The following HLA-DRB1 variants were observed in gnomAD, a reference collection of about 807,000 sequenced individuals.
HLA-DRB1 encodes the protein major histocompatibility complex, class II, DR beta 1 precursor.
HLA-DRB1 carries 10 observed loss-of-function variants against 27.9 expected under a neutral mutation model. That is an observed-to-expected ratio of 0.36 (90% CI 0.22 to 0.61). The LOEUF (loss-of-function observed/expected upper bound fraction) is 0.61. Ranked by LOEUF, HLA-DRB1 falls within the 20% of genes least tolerant of loss-of-function variation. The pLI, the probability that HLA-DRB1 is intolerant of heterozygous loss-of-function variation, is 0.73. For synonymous variants in HLA-DRB1, 57 were observed against 126.7 expected (o/e 0.45, Z 3.69); for missense variants, 118 against 306.3 (o/e 0.39, Z 4.59).
chr6:32,580,343 C>T (rs41287243), intron 4 of HLA-DRB1, 73 bp from the exon 5 acceptor site: 217,992 of 565,236 alleles, frequency 0.39, 52,245 homozygotes, highest in South Asian at 0.48. Context: ...AATGTCCCAG[C>T]CCCAGATCTC....
At chr6:32,583,154 C>A (rs36046522) in intron 2 of HLA-DRB1, among the ~76,000 whole-genome samples, 319 of 59,488 alleles carry the variant, frequency 5.4e-3, no homozygotes, top group Middle Eastern at 0.018. Flanking sequence ...AGATCATTGT[C>A]CATTACCTAC....
At chr6:32,584,869 G>T (rs1776173494) in intron 1 of HLA-DRB1, among the ~76,000 whole-genome samples, 1 of 121,754 alleles carries the variant, frequency 8.2e-6, no homozygotes, top group Non-Finnish European at 1.7e-5. Context: ...CACTCCTCTG[G>T]GGGAGCTTAA....
chr6:32,585,110 T>A lies in HLA-DRB1; in HGVS notation c.101-732A>T, dbSNP rs1211725011. 4.6e-5 allele frequency among the ~76,000 whole-genome samples: 5 copies of A among 108,732 alleles called. 1 individual carries two copies. In the East Asian group the frequency reaches 8.0e-4, roughly 17 times the overall value. 71.3% of individuals were successfully genotyped at this position (108,732 alleles called of 152,430 possible). On this transcript the variant is annotated intron_variant, in intron 1 of 5. Coordinates refer to ENST00000360004, the Ensembl canonical transcript of HLA-DRB1. ...TCAAACCTCAGAAGAAGGAGTGATT[T>A]AATACTTCCTTGTGTTCTTGAACAC...
At chr6:32,579,416 C>CAAGAGCGAAG (rs1320933846) in intron 5 of HLA-DRB1, among the ~76,000 whole-genome samples, 1 of 63,386 alleles carries the variant, frequency 1.6e-5, no homozygotes, top group Non-Finnish European at 3.2e-5. Flanking sequence ...TCGCTGACTT[C>CAAGAGCGAAG]CTGCAGACCT....
intron 1 of HLA-DRB1, among the ~76,000 whole-genome samples, chr6:32,587,685 AG>A (rs1554129755): frequency 4.7e-5 from 3 of 63,756 alleles, no homozygotes; most frequent in African/African-American, 1.9e-4. Flanking sequence ...TCTCAGGTGG[AG>A]CTCCCTAACA....
At chr6:32,579,186 G>A (rs148808172) in intron 5 of HLA-DRB1, 82 bp from the exon 6 acceptor site, 6,366 of 445,634 alleles carry the variant, frequency 0.014, 1,063 homozygotes, top group South Asian at 0.063. Context: ...GCTCAGATGA[G>A]AGCACTGCAG....
At chr6:32,589,588 A>C (rs35574533) in intron 1 of HLA-DRB1, 55 bp downstream of exon 1, 57,115 of 433,152 alleles carry the variant, frequency 0.13, 9,455 homozygotes, top group African/African-American at 0.39. Context: ...AATGTTAACA[A>C]AACTCCCTAT....
intron 1 of HLA-DRB1, among the ~76,000 whole-genome samples, chr6:32,589,439 A>ATGG (rs1561843326): frequency 2.7e-4 from 19 of 70,984 alleles, no homozygotes; most frequent in African/African-American, 6.6e-4. Context: ...GATTTGTGCA[A>ATGG]AGGCCCCTTA....
At position 32,582,848 on chromosome 6, in the gene HLA-DRB1, T is replaced by G. The variant is rs9269865; in HGVS notation, c.371-1010A>C. Among the ~76,000 whole-genome samples, 327 of 72,232 alleles carry G rather than the reference T, an allele frequency of 4.5e-3. 4 individuals carry two copies. Among genetic ancestry groups the G allele is most frequent in the African/African-American group, 0.015 (269 of 17,822 alleles). 47.4% of individuals were successfully genotyped at this position (72,232 alleles called of 152,430 possible). On this transcript the variant is annotated intron_variant, in intron 2 of 5. Transcript: ENST00000360004. ...CCCAGGAAAATCCCCGACACTAGCATACTCTCAATAAATACAACTATTTTT... is the reference window on the plus strand; with the variant it reads ...CCCAGGAAAATCCCCGACACTAGCAGACTCTCAATAAATACAACTATTTTT...
In HLA-DRB1 at chr6:32,584,303, T is replaced by TGC. The variant is rs1776045462; in HGVS notation, c.175_176insGC (p.Tyr59CysfsTer22). 1 of 1,262,634 alleles carries TGC rather than the reference T, an allele frequency of 7.9e-7. No individual in the cohort carries two copies. Among genetic ancestry groups the TGC allele is most frequent in the Non-Finnish European group, 1.1e-6 (1 of 887,016 alleles). 78.2% of individuals were successfully genotyped at this position (1,262,634 alleles called of 1,614,324 possible). A position where few individuals can be genotyped will look rare whatever the true frequency, so the allele number is the denominator to read the frequency against. ...CACGGACTCCTCCTGGTTATAGAAG[T>TGC]ATCTGTCCAGGAACCGCACCCGCTC... On this transcript the variant is annotated frameshift_variant, in exon 2 of 6. Coordinates refer to ENST00000360004, the Ensembl canonical transcript of HLA-DRB1. LOFTEE classifies it high-confidence loss of function.
chr6:32,580,514 C>A (rs112498791), intron 4 of HLA-DRB1, among the ~76,000 whole-genome samples: 16,028 of 115,346 alleles, frequency 0.14, 2,620 homozygotes, highest in Non-Finnish European at 0.16. Context: ...GATCTCAAAC[C>A]AAAGGACCCC....
Position 32,584,382 on chromosome 6 carries a change from T to C in HLA-DRB1, c.101-4A>G, listed in dbSNP as rs114610112. ...TTAGGCTGCCACAGGAAACGTGCTGTGGGGACACGAACCATCCGGTCACAG... is the reference window on the plus strand; with the variant it reads ...TTAGGCTGCCACAGGAAACGTGCTGCGGGGACACGAACCATCCGGTCACAG... On this transcript the variant is annotated splice_region_variant and splice_polypyrimidine_tract_variant and intron_variant, in intron 1 of 5. Transcript: ENST00000360004. 0.011 allele frequency: 8,378 copies of C among 733,056 alleles called. 420 individuals are homozygous for C. The highest frequency in any genetic ancestry group is 0.016 in the African/African-American group (577 of 35,246). The allele number at this position is 733,056 out of a possible 1,614,324, so 45.4% of individuals were successfully genotyped here.
intron 1 of HLA-DRB1, 118 bp from the exon 2 acceptor site, chr6:32,584,496 C>G (rs9269970): frequency 0.096 from 54,674 of 566,964 alleles, 45 homozygotes; most frequent in Middle Eastern, 0.22. Context: ...ACCGGCCCCA[C>G]CCGCAACGCC....
intron 1 of HLA-DRB1, among the ~76,000 whole-genome samples, chr6:32,587,032 A>G (rs9270108): frequency 0.06 from 3,388 of 56,678 alleles, 188 homozygotes; most frequent in East Asian, 0.086. Context: ...TAGTCTTCCT[A>G]ACCACTAGTG....
At chr6:32,582,938 G>A (rs9269869) in intron 2 of HLA-DRB1, among the ~76,000 whole-genome samples, 107,955 of 130,730 alleles carry the variant, frequency 0.83, 45,390 homozygotes, top group Admixed American at 0.86. Flanking sequence ...ATGGATTGTA[G>A]ATCATTAATA....
chr6:32,583,025 C>A (rs143541259), intron 2 of HLA-DRB1, among the ~76,000 whole-genome samples: 7,701 of 136,808 alleles, frequency 0.056, 393 homozygotes, highest in East Asian at 0.11. Flanking sequence ...AATCCACATA[C>A]AAACCACAAA....
chr6:32,582,728 T>C (rs28724007), intron 2 of HLA-DRB1, among the ~76,000 whole-genome samples: 347 of 64,964 alleles, frequency 5.3e-3, no homozygotes, highest in Middle Eastern at 0.011. Context: ...ACAAGCATAA[T>C]TATTATTAGG....
At chr6:32,587,064 A>C in intron 1 of HLA-DRB1, among the ~76,000 whole-genome samples, 1 of 70,092 alleles carries the variant, frequency 1.4e-5, no homozygotes, top group Non-Finnish European at 2.9e-5. Context: ...TCCAATCCCC[A>C]CAGAGTAGCT....
intron 2 of HLA-DRB1, among the ~76,000 whole-genome samples, chr6:32,582,711 G>A (rs9269860): frequency 0.044 from 2,694 of 61,258 alleles, 277 homozygotes; most frequent in Middle Eastern, 0.13. Context: ...TGCATCTCCC[G>A]TGCAACACAA....
Sources: allele counts gnomAD v4.1 joint callset (sites outside exome capture counted in the v4.1 genomes callset), GRCh38; gene constraint gnomAD v4.1.1; transcripts MANE v1.5; gene names NCBI Gene and HGNC (gene_info 2026-07-23, HGNC 2026-07-21).